The following NAA25 variants were observed in gnomAD, a reference collection of about 807,000 sequenced individuals.
NAA25 encodes N-alpha-acetyltransferase 25, NatB auxiliary subunit, also known as N-terminal acetyltransferase B complex subunit NAA25.
Under a neutral mutation model 132.5 loss-of-function variants are expected in NAA25, and 30 were observed. That is an observed-to-expected ratio of 0.23 (90% CI 0.17 to 0.31). The LOEUF (loss-of-function observed/expected upper bound fraction) is 0.31, where lower values mean the gene tolerates loss of function less well. NAA25 is among the 10% of genes least tolerant of loss of function. The pLI, the probability that NAA25 is intolerant of heterozygous loss-of-function variation, is 1.00. For synonymous variants in NAA25, 359 were observed against 401.9 expected (o/e 0.89, Z 1.28); for missense variants, 771 against 1,150.4 (o/e 0.67, Z 4.77).
chr12:112,076,160 G>C (rs965568143), intron 7 of NAA25, among the ~76,000 whole-genome samples: 1 of 152,134 alleles, frequency 6.6e-6, no homozygotes, highest in African/African-American at 2.4e-5. Flanking sequence ...TGGGATTACA[G>C]CTGTGAGCTA....
intron 6 of NAA25, 53 bp downstream of exon 6, chr12:112,078,581 T>C: frequency 3.5e-6 from 5 of 1,416,248 alleles, no homozygotes; most frequent in Non-Finnish European, 5.0e-6. Flanking sequence ...TAACATAATA[T>C]TGTAGCACTA....
chr12:112,078,779 C>A (rs1407917679), intron 5 of NAA25, 38 bp from the exon 6 acceptor site: 1 of 1,498,812 alleles, frequency 6.7e-7, no homozygotes, highest in Admixed American at 1.7e-5. Flanking sequence ...CTAATTCTCC[C>A]CTGCTTGCAC....
intron 9 of NAA25, among the ~76,000 whole-genome samples, chr12:112,073,513 T>C (rs911827224): frequency 6.6e-6 from 1 of 152,178 alleles, no homozygotes; most frequent in African/African-American, 2.4e-5. Context: ...CTCGGCTCAC[T>C]GCAAGCTCCG....
At chr12:112,071,319 C>A (rs565424944) in intron 10 of NAA25, among the ~76,000 whole-genome samples, 2 of 152,232 alleles carry the variant, frequency 1.3e-5, no homozygotes, top group East Asian at 1.9e-4. Context: ...ATGCACCCAG[C>A]CAGGTTTTTT....
intron 11 of NAA25, among the ~76,000 whole-genome samples, chr12:112,068,380 T>C (rs1031960766): frequency 2.0e-5 from 3 of 152,124 alleles, no homozygotes; most frequent in Non-Finnish European, 2.9e-5. Flanking sequence ...CACACACCCA[T>C]ATGTGCCACA....
At chr12:112,054,300 A>G in intron 14 of NAA25, 88 bp downstream of exon 14, 3 of 1,192,782 alleles carry the variant, frequency 2.5e-6, no homozygotes, top group Non-Finnish European at 3.5e-6. Flanking sequence ...GCTTAATGTC[A>G]CAATCAACTT....
intron 3 of NAA25, among the ~76,000 whole-genome samples, chr12:112,088,698 G>A (rs968324780): frequency 1.3e-5 from 2 of 149,940 alleles, no homozygotes; most frequent in African/African-American, 4.9e-5. Flanking sequence ...TCGGCTCACT[G>A]AAACCTCTGC....
intron 10 of NAA25, among the ~76,000 whole-genome samples, chr12:112,070,598 G>A (rs1251271797): frequency 1.3e-5 from 2 of 152,020 alleles, no homozygotes; most frequent in African/African-American, 2.4e-5. Context: ...TTGCGACAGA[G>A]TCTCGCTGTG....
intron 10 of NAA25, among the ~76,000 whole-genome samples, chr12:112,070,495 T>A (rs181819383): frequency 1.3e-5 from 2 of 152,244 alleles, no homozygotes; most frequent in African/African-American, 4.8e-5. Context: ...ATCCACTTCA[T>A]GAAACTTTTC....
intron 1 of NAA25, among the ~76,000 whole-genome samples, chr12:112,102,377 A>C (rs557762679): frequency 6.6e-6 from 1 of 151,882 alleles, no homozygotes; most frequent in South Asian, 2.1e-4. Flanking sequence ...TGTCTCCAAA[A>C]ACAGAAAAAA....
chr12:112,039,057 C>T (rs2078265821), intron 22 of NAA25, among the ~76,000 whole-genome samples, 172 bp downstream of exon 22: 2 of 152,002 alleles, frequency 1.3e-5, no homozygotes, highest in Admixed American at 1.3e-4. Context: ...AATCTCATAA[C>T]GTTTTAAGAA....
chr12:112,067,987 C>T (rs2078744086), intron 11 of NAA25, among the ~76,000 whole-genome samples: 1 of 152,184 alleles, frequency 6.6e-6, no homozygotes, highest in African/African-American at 2.4e-5. Flanking sequence ...ATCCACCCAC[C>T]TCAGCCTCCC....
At chr12:112,040,424 G>C (rs2136810816) in intron 21 of NAA25, 57 bp downstream of exon 21, 2 of 1,061,988 alleles carry the variant, frequency 1.9e-6, no homozygotes, top group South Asian at 2.8e-5. Flanking sequence ...GTTGAAAAAT[G>C]AATCCTGTAG....
At position 112,060,314 on chromosome 12, in the gene NAA25, C is replaced by G; in HGVS notation, c.1403G>C (p.Cys468Ser). 1 of 1,613,542 alleles carries G rather than the reference C, an allele frequency of 6.2e-7. No homozygotes were observed. Among genetic ancestry groups the G allele is most frequent in the Non-Finnish European group, 8.5e-7 (1 of 1,179,682 alleles). Residue 468 changes from cysteine (C) to serine (S), a missense_variant, in exon 13 of 24, where the codon TGT becomes TCT. Coordinates refer to ENST00000261745, the MANE Select transcript of NAA25 (RefSeq NM_024953.4). ...KTELQFSDYY[C>S]LLAVHALIDV... ...AATAAGCGCATGGACAGCAAGGAGA[C>G]AGTAATAGTCAGAAAATTGCAATTC... is the stretch of plus-strand genomic sequence containing the variant.
At chr12:112,055,524 G>A (rs187097361) in intron 13 of NAA25, among the ~76,000 whole-genome samples, 33 of 151,974 alleles carry the variant, frequency 2.2e-4, no homozygotes, top group Admixed American at 1.3e-3. Context: ...GCTAGACCTC[G>A]TCTCTACTAA....
rs2078115399 is a variant in NAA25, at chr12:112,028,936, G to A, written c.*595C>T. Reference sequence around the variant, plus strand: ...AACTAGCCAAAAACTAAGTGCCTGTGGTCATCCAAGTGGTGCCCTTCTATT... The same window carrying A: ...AACTAGCCAAAAACTAAGTGCCTGTAGTCATCCAAGTGGTGCCCTTCTATT... On this transcript the variant is annotated 3_prime_UTR_variant, in exon 24 of 24. Coordinates refer to ENST00000261745, the MANE Select transcript of NAA25 (RefSeq NM_024953.4). 1 of 152,188 alleles carries A rather than the reference G, an allele frequency of 6.6e-6. No individual in the cohort carries two copies. The highest frequency in any genetic ancestry group is 6.5e-5 in the Admixed American group (1 of 15,268). 9.4% of individuals were successfully genotyped at this position (152,188 alleles called of 1,614,324 possible). A position where few individuals can be genotyped will look rare whatever the true frequency, so the allele number is the denominator to read the frequency against.
At chr12:112,079,806 A>G (rs1366435935) in intron 5 of NAA25, among the ~76,000 whole-genome samples, 2 of 152,194 alleles carry the variant, frequency 1.3e-5, no homozygotes, top group Admixed American at 6.5e-5. Flanking sequence ...GTGATAAAAG[A>G]AGGCCACCCA....
intron 22 of NAA25, among the ~76,000 whole-genome samples, chr12:112,037,287 T>A (rs1020497597): frequency 2.4e-5 from 2 of 84,536 alleles, no homozygotes; most frequent in Non-Finnish European, 4.6e-5. Context: ...TATATATATA[T>A]ATATATATAT....
intron 4 of NAA25, among the ~76,000 whole-genome samples, chr12:112,085,992 G>GGGTGA (rs1364215404): frequency 9.3e-6 from 1 of 107,348 alleles, no homozygotes. Context: ...ATTCCACCCT[G>GGGTGA]GGTGACAGAG....
Sources: allele counts gnomAD v4.1 joint callset (sites outside exome capture counted in the v4.1 genomes callset), GRCh38; gene constraint gnomAD v4.1.1; transcripts MANE v1.5; gene names NCBI Gene and HGNC (gene_info 2026-07-23, HGNC 2026-07-21).